Variants in KAZN observed in about 807,000 individuals in gnomAD.
The protein encoded by KAZN is kazrin.
A neutral mutation model predicts 87.4 loss-of-function variants in KAZN; 40 were observed. The ratio of observed to expected loss-of-function variants is 0.46; its 90% confidence interval spans 0.36 to 0.60. The LOEUF is 0.60. Ranked by LOEUF, KAZN falls within the 20% of genes least tolerant of loss-of-function variation. The pLI, the probability that KAZN is intolerant of heterozygous loss-of-function variation, is 0.00. For synonymous variants in KAZN, 466 were observed against 458.3 expected (o/e 1.02, Z -0.22); for missense variants, 898 against 1,073.9 (o/e 0.84, Z 2.29).
intron 1 of KAZN, among the ~76,000 whole-genome samples, chr1:14,724,993 G>A (rs1303039491): frequency 6.6e-6 from 1 of 152,230 alleles, no homozygotes; most frequent in African/African-American, 2.4e-5. Context: ...AAGGCACTCA[G>A]AAGTACCAGG....
At chr1:14,732,039 T>G (rs1247714839) in intron 1 of KAZN, among the ~76,000 whole-genome samples, 1 of 152,228 alleles carries the variant, frequency 6.6e-6, no homozygotes, top group East Asian at 1.9e-4. Flanking sequence ...TGTGGGATAG[T>G]GCAGTGCTGT....
intron 1 of KAZN, among the ~76,000 whole-genome samples, chr1:13,998,622 AAAG>A (rs1639635249): frequency 6.6e-6 from 1 of 151,868 alleles, no homozygotes; most frequent in Non-Finnish European, 1.5e-5. Context: ...TAAAAAAAAA[AAAG>A]AAGGGTAATG....
In KAZN at chr1:14,995,394, C is replaced by T. The variant is rs116903387; in HGVS notation, c.418+34519C>T. 5.8e-4 allele frequency among the ~76,000 whole-genome samples: 88 copies of T among 152,242 alleles called. 1 individual carries two copies. In the East Asian group the frequency reaches 0.012, roughly 20 times the overall value. ...AAAGAGACTGGTAACAGGCTGGGCA[C>T]GGTGGATCACCTGAGGTGAGGAGTT... is the stretch of plus-strand genomic sequence containing the variant. On this transcript the variant is annotated intron_variant, in intron 2 of 14. Transcript: ENST00000376030.
At chr1:13,934,559 C>G (rs888922312) in intron 1 of KAZN, among the ~76,000 whole-genome samples, 1 of 152,236 alleles carries the variant, frequency 6.6e-6, no homozygotes, top group Non-Finnish European at 1.5e-5. Flanking sequence ...AACAGGTTCT[C>G]TCTCTCCAAA....
At chr1:14,796,306 G>C (rs1378544516) in intron 1 of KAZN, among the ~76,000 whole-genome samples, 1 of 152,190 alleles carries the variant, frequency 6.6e-6, no homozygotes, top group Non-Finnish European at 1.5e-5. Flanking sequence ...CCCAGCCAAA[G>C]CTCAGGCCAC....
At chr1:14,698,755 G>A (rs1272239249) in intron 1 of KAZN, among the ~76,000 whole-genome samples, 1 of 152,240 alleles carries the variant, frequency 6.6e-6, no homozygotes, top group Non-Finnish European at 1.5e-5. Context: ...CCAGAACCCT[G>A]AATGGATTAA....
chr1:14,143,284 C>A (rs1645278942), intron 1 of KAZN, among the ~76,000 whole-genome samples: 1 of 152,142 alleles, frequency 6.6e-6, no homozygotes, highest in South Asian at 2.1e-4. Context: ...GCCAAATAAT[C>A]CCTGAGGCTT....
chr1:14,586,604 C>A (rs895614816), intron 2 of KAZN, among the ~76,000 whole-genome samples: 1 of 149,298 alleles, frequency 6.7e-6, no homozygotes, highest in African/African-American at 2.5e-5. Flanking sequence ...AATCATAGCT[C>A]ACTGAAGCCT....
At chr1:14,627,703 C>T (rs1456382868) in intron 1 of KAZN, among the ~76,000 whole-genome samples, 2 of 152,168 alleles carry the variant, frequency 1.3e-5, no homozygotes, top group Non-Finnish European at 2.9e-5. Context: ...TTAGAATCCA[C>T]AGCAGCTGAC....
chr1:15,063,464 T>C (rs1302919302), intron 6 of KAZN, 108 bp from the exon 7 acceptor site: 4 of 942,772 alleles, frequency 4.2e-6, no homozygotes, highest in Non-Finnish European at 5.2e-6. Flanking sequence ...GGGTGGCCCC[T>C]GAGAGATGGC....
intron 1 of KAZN, among the ~76,000 whole-genome samples, chr1:13,921,479 A>G (rs751212166): frequency 6.6e-6 from 1 of 152,254 alleles, no homozygotes; most frequent in Non-Finnish European, 1.5e-5. Flanking sequence ...GCCACAGGTT[A>G]TAGTTTACTG....
intron 2 of KAZN, among the ~76,000 whole-genome samples, chr1:14,562,663 G>A (rs1212237951): frequency 6.6e-6 from 1 of 152,192 alleles, no homozygotes; most frequent in Non-Finnish European, 1.5e-5. Context: ...AACATGGGTA[G>A]TTTCAACCTA....
chr1:14,124,955 A>G (rs1480285728), intron 1 of KAZN, among the ~76,000 whole-genome samples: 1 of 152,212 alleles, frequency 6.6e-6, no homozygotes, highest in African/African-American at 2.4e-5. Flanking sequence ...AGGGCTTCCC[A>G]TTGAGACGCG....
At chr1:14,976,619 G>C (rs1937134) in intron 2 of KAZN, among the ~76,000 whole-genome samples, 71 of 152,016 alleles carry the variant, frequency 4.7e-4, no homozygotes, top group Non-Finnish European at 7.8e-4. Context: ...AGAGGAGGCC[G>C]GGAGGGGCTT....
intron 2 of KAZN, among the ~76,000 whole-genome samples, chr1:14,187,318 G>A (rs1646329219): frequency 6.6e-6 from 1 of 152,032 alleles, no homozygotes; most frequent in African/African-American, 2.4e-5. Context: ...AAAATATTTT[G>A]ACAATTTTAA....
chr1:14,441,523 G>C (rs1027975195), intron 2 of KAZN, among the ~76,000 whole-genome samples: 1 of 152,198 alleles, frequency 6.6e-6, no homozygotes, highest in African/African-American at 2.4e-5. Context: ...CTCAAGTCTT[G>C]AGAGTATTTG....
rs1650039384 is a variant in KAZN at position 14,855,871 on chromosome 1, A to G, written c.227-104813A>G. ...CTATGTAATTGGAATAGAAGTTTCC[A>G]GGGGAAAGAGAGGAGGAAGCCTGTT... On this transcript the variant is annotated intron_variant, in intron 1 of 14. Transcript: ENST00000376030. Among the ~76,000 whole-genome samples, 4 of 152,356 alleles carry G rather than the reference A, an allele frequency of 2.6e-5. No individual in the cohort carries two copies. The South Asian group carries it at 8.3e-4, about 32-fold the overall frequency.
At chr1:14,575,207 T>G (rs1675105147) in intron 2 of KAZN, among the ~76,000 whole-genome samples, 1 of 151,558 alleles carries the variant, frequency 6.6e-6, no homozygotes, top group Non-Finnish European at 1.5e-5. Context: ...GGGAAGGAGA[T>G]AAGAGTGGGG....
intron 2 of KAZN, among the ~76,000 whole-genome samples, chr1:14,317,090 TTTCTGTCCAC>T (rs1655703344): frequency 6.6e-6 from 1 of 151,972 alleles, no homozygotes; most frequent in Non-Finnish European, 1.5e-5. Flanking sequence ...ATTTACTGAT[TTTCTGTCCAC>T]TTCTTCTATT....
Sources: gnomAD v4.1 joint callset for allele counts (sites outside exome capture counted in the v4.1 genomes callset) on GRCh38, gnomAD v4.1.1 for gene constraint, MANE v1.5 for transcripts, NCBI Gene and HGNC (gene_info 2026-07-23, HGNC 2026-07-21) for gene names.